OPHN1: variants seen among roughly 807,000 people sequenced by gnomAD.
The protein encoded by OPHN1 is oligophrenin-1.
A neutral mutation model predicts 60.7 loss-of-function variants in OPHN1; 11 were observed. The ratio of observed to expected loss-of-function variants is 0.18; its 90% CI spans 0.11 to 0.30. OPHN1 has a LOEUF of 0.30. Among genes scored for constraint, OPHN1 ranks in the 10% least tolerant of loss-of-function variants. OPHN1 has a pLI of 1.00. For synonymous variants in OPHN1, 226 were observed against 222.6 expected (o/e 1.02, Z -0.14); for missense variants, 449 against 611.0 (o/e 0.73, Z 2.80).
intron 5 of OPHN1, among the ~76,000 whole-genome samples, chrX:68,235,028 A>G (rs878213): frequency 0.6 from 66,746 of 111,078 alleles, 17,291 homozygotes; most frequent in East Asian, 0.87. Context: ...ATAATAAGTA[A>G]AACATTTCCA....
chrX:68,201,976 T>C (rs2077537162), intron 10 of OPHN1, among the ~76,000 whole-genome samples: 1 of 111,982 alleles, frequency 8.9e-6, no homozygotes, highest in Non-Finnish European at 1.9e-5. Context: ...GAAGACTTAA[T>C]AGGAAGCTCA....
chrX:68,167,721 GTA>G (rs372934703), intron 15 of OPHN1, among the ~76,000 whole-genome samples: 49,352 of 104,422 alleles, frequency 0.47, 10,964 homozygotes, highest in African/African-American at 0.82. Context: ...ATGTGTGTGT[GTA>G]TATATATATA....
intron 3 of OPHN1, among the ~76,000 whole-genome samples, chrX:68,292,414 A>T (rs1247089418): frequency 9.0e-6 from 1 of 111,405 alleles, no homozygotes; most frequent in Non-Finnish European, 1.9e-5. Context: ...ATGGATTGAT[A>T]TTTCTTTTGT....
chrX:68,243,168 A>G (rs1356269702), intron 5 of OPHN1, among the ~76,000 whole-genome samples: 1 of 111,156 alleles, frequency 9.0e-6, no homozygotes, highest in Non-Finnish European at 1.9e-5. Context: ...CTTGGCTAGA[A>G]TAAGAAAATT....
intron 2 of OPHN1, among the ~76,000 whole-genome samples, chrX:68,419,841 CACT>C (rs2078818211): frequency 9.0e-6 from 1 of 111,708 alleles, no homozygotes; most frequent in Non-Finnish European, 1.9e-5. Flanking sequence ...CACGCCCCAC[CACT>C]ACTTTATAAT....
At chrX:68,117,038 A>G (rs1175876268) in intron 16 of OPHN1, among the ~76,000 whole-genome samples, 1 of 111,497 alleles carries the variant, frequency 9.0e-6, no homozygotes, top group African/African-American at 3.3e-5. Context: ...ACAAATCTCA[A>G]TATGCACCTC....
intron 5 of OPHN1, among the ~76,000 whole-genome samples, chrX:68,266,613 G>A (rs1271729050): frequency 3.6e-5 from 4 of 111,592 alleles, no homozygotes; most frequent in African/African-American, 9.8e-5. Flanking sequence ...GGAAGAAACT[G>A]CATCAACTAA....
rs531350998 is a variant in OPHN1 at position 68,343,741 on chromosome X, C to T, written c.155-44645G>A. ...TCAAACGATGGACATGGAAGTCCTT[C>T]GTATACAGAAAAGCAATATTTGCCA... On this transcript the variant is annotated intron_variant, in intron 2 of 24. Coordinates refer to ENST00000355520, the MANE Select transcript of OPHN1 (RefSeq NM_002547.3). Among the ~76,000 whole-genome samples the T allele has an allele frequency of 4.7e-4, 52 of 111,141 alleles. No homozygotes were observed. The South Asian group carries it at 0.019, about 40-fold the overall frequency.
At chrX:68,191,862 A>G (rs2077489241) in intron 15 of OPHN1, among the ~76,000 whole-genome samples, 1 of 111,514 alleles carries the variant, frequency 9.0e-6, no homozygotes, top group Non-Finnish European at 1.9e-5. Flanking sequence ...TGGATACTTT[A>G]TATCTGGCCC....
chrX:68,331,291 T>C (rs1349281010), intron 2 of OPHN1, among the ~76,000 whole-genome samples: 1 of 107,576 alleles, frequency 9.3e-6, no homozygotes, highest in Non-Finnish European at 1.9e-5. Flanking sequence ...ACATAATGAT[T>C]ATAATATTAT....
chrX:68,369,205 GA>G (rs201238901), intron 2 of OPHN1, among the ~76,000 whole-genome samples: 13 of 104,782 alleles, frequency 1.2e-4, no homozygotes, highest in Admixed American at 5.2e-4. Flanking sequence ...GAGACTCCTC[GA>G]AAAAAAAAAA....
intron 5 of OPHN1, among the ~76,000 whole-genome samples, chrX:68,237,696 T>A (rs1200601598): frequency 1.8e-5 from 2 of 112,118 alleles, no homozygotes; most frequent in Middle Eastern, 4.2e-3. Flanking sequence ...AAATAAAATT[T>A]ATTTTTATAT....
At chrX:68,117,452 C>A (rs916984047) in intron 16 of OPHN1, among the ~76,000 whole-genome samples, 3 of 112,115 alleles carry the variant, frequency 2.7e-5, no homozygotes, top group South Asian at 3.7e-4. Flanking sequence ...GCTATAAGTT[C>A]TTTAAGGTCA....
rs1232355321 is a variant in OPHN1, at chrX:68,394,641, GT to G, written c.154+38225del. On this transcript the variant is annotated intron_variant, in intron 2 of 24. Coordinates refer to ENST00000355520, the MANE Select transcript of OPHN1 (RefSeq NM_002547.3). ...TCTTCATGTAGAATTTACATGTTAA[GT>G]TTTTTTTGTTTTTTGTTTTCTTGAG... is the stretch of plus-strand genomic sequence containing the variant. Among the ~76,000 whole-genome samples the G allele has an allele frequency of 2.7e-5, 3 of 111,123 alleles. No homozygotes were observed. In the South Asian group the frequency reaches 1.1e-3, roughly 42 times the overall value.
intron 15 of OPHN1, among the ~76,000 whole-genome samples, chrX:68,153,362 C>T (rs989724381): frequency 9.0e-6 from 1 of 111,570 alleles, no homozygotes; most frequent in Non-Finnish European, 1.9e-5. Context: ...GAAAGCCATA[C>T]CAATCAGGAT....
chrX:68,136,190 T>C (rs778457888), intron 15 of OPHN1, among the ~76,000 whole-genome samples: 84 of 110,504 alleles, frequency 7.6e-4, no homozygotes, highest in African/African-American at 2.6e-3. Flanking sequence ...TGTGTGTGTG[T>C]GTGTATAACA....
intron 23 of OPHN1, among the ~76,000 whole-genome samples, chrX:68,051,306 G>A (rs1425945396): frequency 9.0e-6 from 1 of 111,717 alleles, no homozygotes; most frequent in Non-Finnish European, 1.9e-5. Flanking sequence ...CTCTCCAGAT[G>A]TTCTAGTCCA....
At chrX:68,231,596 T>A (rs2077729346) in intron 6 of OPHN1, among the ~76,000 whole-genome samples, 1 of 111,683 alleles carries the variant, frequency 9.0e-6, no homozygotes, top group South Asian at 3.8e-4. Context: ...AACCAGACAA[T>A]GGCATATTAT....
chrX:68,378,432 T>C (rs1342867716), intron 2 of OPHN1, among the ~76,000 whole-genome samples: 4 of 111,814 alleles, frequency 3.6e-5, no homozygotes, highest in Admixed American at 2.9e-4. Context: ...GCTCTTTAGT[T>C]TAATTAGATC....
Sources: gnomAD v4.1 joint callset for allele counts (sites outside exome capture counted in the v4.1 genomes callset) on GRCh38, gnomAD v4.1.1 for gene constraint, MANE v1.5 for transcripts, NCBI Gene and HGNC (gene_info 2026-07-23, HGNC 2026-07-21) for gene names.